Variants in ZNF462 observed in about 807,000 individuals in gnomAD.
The protein encoded by ZNF462 is zinc finger protein 462.
A neutral mutation model predicts 201.9 loss-of-function variants in ZNF462; 10 were observed. That is an observed-to-expected ratio of 0.05 (90% confidence interval 0.03 to 0.08). The LOEUF is 0.08. ZNF462 is among the 10% of genes least tolerant of loss of function. ZNF462 has a pLI of 1.00. For synonymous variants in ZNF462, 1,227 were observed against 1,193.3 expected, an observed-to-expected ratio of 1.03 and a Z score of -0.58; for missense variants, 2,523 against 3,168.3, an observed-to-expected ratio of 0.80 and a Z score of 4.89.
chr9:106,973,476 C>T (rs370114146), intron 8 of ZNF462, among the ~76,000 whole-genome samples: 283 of 152,312 alleles, frequency 1.9e-3, no homozygotes, highest in African/African-American at 6.4e-3. Context: ...AGGGCAAGGG[C>T]CGACAGACAG....
chr9:106,925,929 G>A lies in ZNF462; in HGVS notation c.2017G>A (p.Ala673Thr). ...LGLSSKNNFVAKASRKLANDF... is the reference protein window; with the variant it reads ...LGLSSKNNFVTKASRKLANDF... ...GTTGTCCTCCAAGAACAATTTTGTA[G>A]CTAAAGCCTCTAGGAAGCTCGCCAA... Residue 673 changes from alanine to threonine, a missense_variant, in exon 3 of 13, where the codon GCT becomes ACT. Transcript: ENST00000277225. This position sits in a 1 kb window ranked among gnomAD's most constrained non-coding sequence, Gnocchi z 7.9. 1 of 1,614,150 alleles carries A rather than the reference G, an allele frequency of 6.2e-7. No individual in the cohort carries two copies. The highest frequency in any genetic ancestry group is 8.5e-7 in the Non-Finnish European group (1 of 1,180,044).
intron 10 of ZNF462, among the ~76,000 whole-genome samples, chr9:106,995,311 A>G (rs1270146913): frequency 1.3e-5 from 2 of 152,152 alleles, no homozygotes; most frequent in Non-Finnish European, 2.9e-5. Context: ...TCTGTGCTCT[A>G]TATCCTTCTG....
chr9:106,914,195 A>T (rs1829672187), intron 1 of ZNF462, among the ~76,000 whole-genome samples: 1 of 140,710 alleles, frequency 7.1e-6, no homozygotes, highest in Non-Finnish European at 1.6e-5. Context: ...CCCTCTAAGG[A>T]TCCAGAGACT....
At chr9:106,985,475 G>A (rs60361348) in intron 10 of ZNF462, among the ~76,000 whole-genome samples, 3,344 of 152,056 alleles carry the variant, frequency 0.022, 135 homozygotes, top group African/African-American at 0.075. Context: ...CTCTGCACAG[G>A]GCTCATCTGG....
rs546333821 is a variant in ZNF462, at chr9:106,933,007, A to C, written c.6116+458A>C. ...AAGATCTTGAAAGGTAAAGAAGTTC[A>C]TGGATGCCAAAGAGTTGCTTGACAT... On this transcript the variant is annotated intron_variant, in intron 5 of 12. Coordinates refer to ENST00000277225, the MANE Select transcript of ZNF462 (RefSeq NM_021224.6). This position sits in a 1 kb window ranked among gnomAD's most constrained non-coding sequence, Gnocchi z 4.3. Among the ~76,000 whole-genome samples, 7 of 152,362 alleles carry C rather than the reference A, an allele frequency of 4.6e-5. No homozygotes were observed. The East Asian group carries it at 1.3e-3, about 29-fold the overall frequency.
At chr9:106,909,820 T>A (rs557647364) in intron 1 of ZNF462, among the ~76,000 whole-genome samples, 1 of 152,338 alleles carries the variant, frequency 6.6e-6, no homozygotes, top group African/African-American at 2.4e-5. Context: ...CTCACCAAGA[T>A]GTTTCCATTT....
At position 106,928,639 on chromosome 9, in the gene ZNF462, C is replaced by G; in HGVS notation, c.4727C>G (p.Ala1576Gly). The change falls in exon 3 of 13, where the codon GCC becomes GGC. Residue 1576 changes from alanine to glycine, a missense_variant. Transcript: ENST00000277225. The surrounding 1 kb of genome is among the most constrained non-coding windows in gnomAD (Gnocchi z 9.3). The stretch of plus-strand genomic sequence containing the variant: ...AGGATCTTCAAGCAAGGGTATGGCG[C>G]CTACCGGTGCAAACTGTGTCCGTAC... ...TSRIFKQGYG[A>G]YRCKLCPYTH... 1 of 1,614,118 alleles carries G rather than the reference C, an allele frequency of 6.2e-7. No individual in the cohort carries two copies. The highest frequency in any genetic ancestry group is 8.5e-7 in the Non-Finnish European group (1 of 1,180,030).
At position 106,968,084 on chromosome 9, in the gene ZNF462, T is replaced by C. The variant is rs1362218538; in HGVS notation, c.6428-3921T>C. 6.6e-6 allele frequency among the ~76,000 whole-genome samples: 1 copy of C among 152,228 alleles called. No individual in the cohort carries two copies. Among genetic ancestry groups the C allele is most frequent in the African/African-American group, 2.4e-5 (1 of 41,470 alleles). The stretch of plus-strand genomic sequence containing the variant: ...CAACGTTCATGTTCTTTTTGGCTCC[T>C]CTGATTTGTATCACAGAACCCTAGA... On this transcript the variant is annotated intron_variant, in intron 7 of 12. Coordinates refer to ENST00000277225, the MANE Select transcript of ZNF462 (RefSeq NM_021224.6). The surrounding 1 kb of genome is among the most constrained non-coding windows in gnomAD (Gnocchi z 4.0).
intron 7 of ZNF462, among the ~76,000 whole-genome samples, chr9:106,958,377 C>T (rs1831675434): frequency 6.6e-6 from 1 of 152,070 alleles, no homozygotes; most frequent in Non-Finnish European, 1.5e-5. Flanking sequence ...CTGCATTTCT[C>T]ACTGGGATCA....
chr9:107,012,950 A>G lies in ZNF462; in HGVS notation c.*1920A>G, dbSNP rs1279791192. 1 of 152,092 alleles carries G rather than the reference A, an allele frequency of 6.6e-6. No individual in the cohort carries two copies. Among genetic ancestry groups the G allele is most frequent in the African/African-American group, 2.4e-5 (1 of 41,438 alleles). The allele number at this position is 152,092 out of a possible 1,614,324, so 9.4% of individuals were successfully genotyped here. ...TTAATTTTTTTAAGGGATGGGGGCC[A>G]TCATGTGGAAACCAGAAAATGGGGA... On this transcript the variant is annotated 3_prime_UTR_variant, in exon 13 of 13. Transcript: ENST00000277225.
In ZNF462 at chr9:106,863,208, C is replaced by T; in HGVS notation, c.-178C>T. On this transcript the variant is annotated 5_prime_UTR_variant, in exon 1 of 13. Transcript: ENST00000277225. ...GAAGGCAGGGAAGATGGCGATCCTC[C>T]ATTGCTGAGACCCGGCAGAAGCACA... 2.5e-6 allele frequency: 1 copy of T among 399,330 alleles called. No individual in the cohort carries two copies. Among genetic ancestry groups the T allele is most frequent in the Non-Finnish European group, 4.4e-6 (1 of 226,410 alleles). The allele number at this position is 399,330 out of a possible 1,614,324, so 24.7% of individuals were successfully genotyped here.
chr9:106,996,690 A>C (rs989406093), intron 10 of ZNF462, among the ~76,000 whole-genome samples: 10 of 152,156 alleles, frequency 6.6e-5, no homozygotes, highest in Non-Finnish European at 1.5e-4. Flanking sequence ...AATTTGTTTA[A>C]GTTCTTTGTA....
intron 10 of ZNF462, among the ~76,000 whole-genome samples, chr9:106,997,213 T>C (rs1225346912): frequency 1.3e-5 from 2 of 152,176 alleles, no homozygotes; most frequent in African/African-American, 4.8e-5. Flanking sequence ...GGAACCCTTG[T>C]GCACTGTTGA....
chr9:106,908,257 G>T (rs1829357470), intron 1 of ZNF462, among the ~76,000 whole-genome samples: 1 of 151,978 alleles, frequency 6.6e-6, no homozygotes, highest in African/African-American at 2.4e-5. Flanking sequence ...TTTATCCTTG[G>T]TGGTCTTTCT....
Position 106,880,396 on chromosome 9 carries a change from A to G in ZNF462, c.-31+17041A>G, listed in dbSNP as rs141571933. ...TCAGCTACCTTACCACTTGTTTTCC[A>G]TAGTTGAGAAAACTTTGAAGTGGTG... On this transcript the variant is annotated intron_variant, in intron 1 of 12. Transcript: ENST00000277225. This position sits in a 1 kb window ranked among gnomAD's most constrained non-coding sequence, Gnocchi z 4.1. Among the ~76,000 whole-genome samples the G allele has an allele frequency of 3.4e-3, 518 of 152,338 alleles. 1 individual carries two copies. The highest frequency in any genetic ancestry group is 0.012 in the African/African-American group (494 of 41,572).
chr9:106,936,043 G>T (rs1046959730), intron 6 of ZNF462, among the ~76,000 whole-genome samples: 4 of 152,232 alleles, frequency 2.6e-5, no homozygotes, highest in Non-Finnish European at 5.9e-5. Context: ...AGATGTGTGA[G>T]ATTTTTCAAG....
intron 1 of ZNF462, among the ~76,000 whole-genome samples, chr9:106,896,943 T>C (rs1018837633): frequency 7.9e-5 from 12 of 152,300 alleles, no homozygotes; most frequent in Middle Eastern, 3.4e-3. Flanking sequence ...CACCCACACA[T>C]TCCCTAAAAT....
Position 106,890,456 on chromosome 9 carries a change from C to T in ZNF462, c.-31+27101C>T, listed in dbSNP as rs1027791319. ...TACAAAAATCTAGCACTTGAAGCCA[C>T]TTAATCAAATATCATATCCACACAC... On this transcript the variant is annotated intron_variant, in intron 1 of 12. Transcript: ENST00000277225. The surrounding 1 kb of genome is among the most constrained non-coding windows in gnomAD (Gnocchi z 4.2). Among the ~76,000 whole-genome samples the T allele has an allele frequency of 2.0e-5, 3 of 152,210 alleles. No individual in the cohort carries two copies. The highest frequency in any genetic ancestry group is 4.4e-5 in the Non-Finnish European group (3 of 68,042).
At chr9:107,004,978 T>G (rs1172106039) in intron 11 of ZNF462, among the ~76,000 whole-genome samples, 1 of 152,168 alleles carries the variant, frequency 6.6e-6, no homozygotes, top group Non-Finnish European at 1.5e-5. Flanking sequence ...CCTGCCTCTG[T>G]GTGCCTGTCT....
Sources: allele counts gnomAD v4.1 joint callset (sites outside exome capture counted in the v4.1 genomes callset), GRCh38; gene constraint gnomAD v4.1.1; non-coding constraint Gnocchi (gnomAD v3.1); transcripts MANE v1.5; gene names NCBI Gene and HGNC (gene_info 2026-07-23, HGNC 2026-07-21).